Variants in AKT2 observed in about 807,000 individuals in gnomAD.
The protein encoded by AKT2 is RAC-beta serine/threonine-protein kinase.
Under a neutral mutation model 58.6 loss-of-function variants are expected in AKT2, and 16 were observed. That is an observed-to-expected ratio of 0.27 (90% confidence interval 0.18 to 0.41). AKT2 has a LOEUF of 0.41. AKT2 is among the 10% of genes least tolerant of loss of function. AKT2 has a pLI of 1.00. For missense variants in AKT2, 438 were observed against 661.0 expected (o/e 0.66, Z 3.70); for synonymous variants, 253 against 254.0 (o/e 1.00, Z 0.04).
rs373226396 is a variant in AKT2, at chr19:40,233,864, C to G, written c.*8G>C. ...AGCGAGCGTGCGTCCTCTGCGTGGGCAGACTGCTCACTCGCGGATGCTGGC... is the reference window on the plus strand; with the variant it reads ...AGCGAGCGTGCGTCCTCTGCGTGGGGAGACTGCTCACTCGCGGATGCTGGC... On this transcript the variant is annotated 3_prime_UTR_variant, in exon 14 of 14. Coordinates refer to ENST00000392038, the MANE Select transcript of AKT2 (RefSeq NM_001626.6). The surrounding 1 kb of genome is among the most constrained non-coding windows in gnomAD (Gnocchi z 4.3). 8.3e-5 allele frequency: 134 copies of G among 1,610,430 alleles called. No individual in the cohort carries two copies. In the African/African-American group the frequency reaches 1.6e-3, roughly 19 times the overall value.
At chr19:40,273,836 G>C (rs996433632) in intron 1 of AKT2, among the ~76,000 whole-genome samples, 2 of 152,024 alleles carry the variant, frequency 1.3e-5, no homozygotes, top group African/African-American at 4.8e-5. Context: ...ACGCAGTTCT[G>C]ACCCTGTCCC....
chr19:40,235,061 G>T lies in AKT2; in HGVS notation c.1350C>A (p.Ile450=), dbSNP rs745833960. Residue 450 remains isoleucine, a synonymous_variant, in exon 13 of 14, where the codon ATC becomes ATA. Coordinates refer to ENST00000392038, the MANE Select transcript of AKT2 (RefSeq NM_001626.6). This position sits in a 1 kb window ranked among gnomAD's most constrained non-coding sequence, Gnocchi z 6.3. The part of the protein sequence containing the change: ...DDEFTAQSIT[I]TPPDRYDSLG... ...GGCACTCACAGCGGTCAGGGGGTGTGATTGTGATGGACTGGGCGGTAAATT... is the reference window on the plus strand; with the variant it reads ...GGCACTCACAGCGGTCAGGGGGTGTTATTGTGATGGACTGGGCGGTAAATT... 4 of 1,614,176 alleles carry T rather than the reference G, an allele frequency of 2.5e-6. No individual in the cohort carries two copies. Among genetic ancestry groups the T allele is most frequent in the Non-Finnish European group, 1.7e-6 (2 of 1,180,016 alleles).
At chr19:40,278,787 T>A (rs763964974) in intron 1 of AKT2, among the ~76,000 whole-genome samples, 7 of 151,482 alleles carry the variant, frequency 4.6e-5, no homozygotes, top group Non-Finnish European at 1.0e-4. Context: ...GCTCCGTGCA[T>A]CCTCCCCACC....
In AKT2 at chr19:40,230,558, G is replaced by T. The variant is rs1186892334; in HGVS notation, c.*3314C>A. On this transcript the variant is annotated 3_prime_UTR_variant, in exon 14 of 14. Coordinates refer to ENST00000392038, the MANE Select transcript of AKT2 (RefSeq NM_001626.6). ...CAGAGGCTTCACATTAACTGGAAAA[G>T]ATTACACAAAAAGAGCAGGAAACTA... 3 of 227,648 alleles carry T rather than the reference G, an allele frequency of 1.3e-5. No homozygotes were observed. The highest frequency in any genetic ancestry group is 2.6e-5 in the Non-Finnish European group (3 of 114,600). 14.1% of individuals were successfully genotyped at this position (227,648 alleles called of 1,614,324 possible).
chr19:40,238,897 C>A lies in AKT2; in HGVS notation c.708+8G>T, dbSNP rs185154487. On this transcript the variant is annotated splice_region_variant and intron_variant, in intron 8 of 13. Coordinates refer to ENST00000392038, the MANE Select transcript of AKT2 (RefSeq NM_001626.6). The surrounding 1 kb of genome is among the most constrained non-coding windows in gnomAD (Gnocchi z 5.1). ...CCAGAGGGCAAAGTCAAGGCAGCCG[C>A]GGCTCACCTCACCCCCGTTGGCATA... 2.2e-4 allele frequency: 360 copies of A among 1,614,046 alleles called. 1 individual carries two copies. Among genetic ancestry groups the A allele is most frequent in the Non-Finnish European group, 1.4e-5 (16 of 1,179,986 alleles).
chr19:40,242,406 C>T lies in AKT2; in HGVS notation c.441+128G>A, dbSNP rs893481975. On this transcript the variant is annotated intron_variant, in intron 5 of 13. Coordinates refer to ENST00000392038, the MANE Select transcript of AKT2 (RefSeq NM_001626.6). The surrounding 1 kb of genome is among the most constrained non-coding windows in gnomAD (Gnocchi z 4.3). ...GCACCTGCCACCTGAAATCACCCCA[C>T]CCTGCAGGGCAGCCTTGTCTCTCAG... is the stretch of plus-strand genomic sequence containing the variant. 12 of 1,435,654 alleles carry T rather than the reference C, an allele frequency of 8.4e-6. No homozygotes were observed. In the African/African-American group the frequency reaches 1.1e-4, roughly 13 times the overall value. 88.9% of individuals were successfully genotyped at this position (1,435,654 alleles called of 1,614,324 possible).
chr19:40,250,719 T>A (rs755322199), intron 4 of AKT2, among the ~76,000 whole-genome samples: 3 of 151,924 alleles, frequency 2.0e-5, no homozygotes, highest in African/African-American at 7.3e-5. Flanking sequence ...TTCTAGCTAC[T>A]AGGGAGGCTG....
At position 40,237,987 on chromosome 19, in the gene AKT2, C is replaced by A; in HGVS notation, c.813G>T (p.Val271=). The part of the protein sequence containing the change: ...SALEYLHSRD[V]VYRDIKLENL... ...CACTAACCTTGATGTCGCGGTATAC[C>A]ACGTCCCGCGAGTGCAAGTACTCAA... The change falls in exon 9 of 14, where the codon GTG becomes GTT. Residue 271 remains valine (V), a synonymous_variant. Transcript: ENST00000392038. The surrounding 1 kb of genome is among the most constrained non-coding windows in gnomAD (Gnocchi z 4.5). 11 of 1,613,658 alleles carry A rather than the reference C, an allele frequency of 6.8e-6. No individual in the cohort carries two copies. Among genetic ancestry groups the A allele is most frequent in the Non-Finnish European group, 9.3e-6 (11 of 1,179,914 alleles).
chr19:40,242,839 G>T lies in AKT2; in HGVS notation c.288-152C>A, dbSNP rs984176307. ...GGGCAAGATCTGTCAGAACCAGAGA[G>T]AGCTGAAGGGACCTGAGTGAAATTC... On this transcript the variant is annotated intron_variant, in intron 4 of 13. Transcript: ENST00000392038. This position sits in a 1 kb window ranked among gnomAD's most constrained non-coding sequence, Gnocchi z 4.3. The T allele has an allele frequency of 1.8e-5, 15 of 825,400 alleles. No individual in the cohort carries two copies. The highest frequency in any genetic ancestry group is 1.3e-4 in the East Asian group (5 of 37,218). The allele number at this position is 825,400 out of a possible 1,614,324, so 51.1% of individuals were successfully genotyped here.
Position 40,234,482 on chromosome 19 carries a change from A to C in AKT2, c.1367-531T>G. 2 of 239,376 alleles carry C rather than the reference A, an allele frequency of 8.4e-6. No homozygotes were observed. The highest frequency in any genetic ancestry group is 1.6e-5 in the Non-Finnish European group (2 of 123,578). The allele number at this position is 239,376 out of a possible 1,614,324, so 14.8% of individuals were successfully genotyped here. On this transcript the variant is annotated intron_variant, in intron 13 of 13. Transcript: ENST00000392038. This position sits in a 1 kb window ranked among gnomAD's most constrained non-coding sequence, Gnocchi z 4.7. ...CCCTGGCTGCTGCCGGTCCTTAGCT[A>C]TGCCATGCTTCTCCCATTGCTGGCA... is the stretch of plus-strand genomic sequence containing the variant.
Position 40,237,795 on chromosome 19 carries a change from G to A in AKT2, c.831+174C>T. On this transcript the variant is annotated intron_variant, in intron 9 of 13. Transcript: ENST00000392038. This position sits in a 1 kb window ranked among gnomAD's most constrained non-coding sequence, Gnocchi z 4.5. The stretch of plus-strand genomic sequence containing the variant: ...CTTGGTGGGGAGCCTGGTGAATGAG[G>A]GCAGCCACCACCCTGGACCTTGGTG... 2.2e-6 allele frequency: 2 copies of A among 903,138 alleles called. No individual in the cohort carries two copies. The highest frequency in any genetic ancestry group is 1.7e-5 in the African/African-American group (1 of 58,252). 55.9% of individuals were successfully genotyped at this position (903,138 alleles called of 1,614,324 possible).
chr19:40,264,303 C>T lies in AKT2; in HGVS notation c.46+919G>A, dbSNP rs1453909473. On this transcript the variant is annotated intron_variant, in intron 2 of 13. Coordinates refer to ENST00000392038, the MANE Select transcript of AKT2 (RefSeq NM_001626.6). ...CCATCTGCCTCCCAGTCTTGCGTGG[C>T]AGCCACTTTGGGACAAACAGCCCTG... Among the ~76,000 whole-genome samples the T allele has an allele frequency of 2.2e-4, 33 of 152,186 alleles. 1 individual carries two copies. The highest frequency in any genetic ancestry group is 1.5e-5 in the Non-Finnish European group (1 of 68,028).
At chr19:40,285,041 C>A (rs919118306) in intron 1 of AKT2, 140 bp downstream of exon 1, 28 of 384,496 alleles carry the variant, frequency 7.3e-5, no homozygotes, top group South Asian at 1.4e-4. Flanking sequence ...CGGCCACCCC[C>A]ACTCAGCTCC....
Position 40,236,114 on chromosome 19 carries a change from G to C in AKT2, c.961-10C>G, listed in dbSNP as rs1313831067. ...CATTGTCCTCCAGCACCTGAGGATG[G>C]AGGAGAAATGAGGGCTGGGCCCGTG... On this transcript the variant is annotated splice_polypyrimidine_tract_variant and intron_variant, in intron 10 of 13. Coordinates refer to ENST00000392038, the MANE Select transcript of AKT2 (RefSeq NM_001626.6). 6.2e-7 allele frequency: 1 copy of C among 1,614,020 alleles called. No individual in the cohort carries two copies. Among genetic ancestry groups the C allele is most frequent in the Non-Finnish European group, 8.5e-7 (1 of 1,180,010 alleles).
rs1268615652 is a variant in AKT2 at position 40,232,190 on chromosome 19, C to T, written c.*1682G>A. The T allele has an allele frequency of 4.3e-6, 1 of 233,724 alleles. No individual in the cohort carries two copies. Among genetic ancestry groups the T allele is most frequent in the Non-Finnish European group, 8.5e-6 (1 of 118,234 alleles). The allele number at this position is 233,724 out of a possible 1,614,324, so 14.5% of individuals were successfully genotyped here. ...TCCAGCCTGAGCTCCTGCACACACC[C>T]CAGCTGCCCTCACCCTGAGCTCAGT... On this transcript the variant is annotated 3_prime_UTR_variant, in exon 14 of 14. Transcript: ENST00000392038.
chr19:40,257,586 A>AAC (rs59835118), intron 2 of AKT2, among the ~76,000 whole-genome samples: 48,399 of 146,002 alleles, frequency 0.33, 8,992 homozygotes, highest in South Asian at 0.48. Flanking sequence ...TATGCACACA[A>AAC]ACACACACAC....
chr19:40,280,593 G>C (rs999132588), intron 1 of AKT2, among the ~76,000 whole-genome samples: 1 of 152,038 alleles, frequency 6.6e-6, no homozygotes, highest in Non-Finnish European at 1.5e-5. Flanking sequence ...CCAGTGAAAG[G>C]GCCCTGCCTG....
intron 1 of AKT2, among the ~76,000 whole-genome samples, chr19:40,273,821 C>A (rs1038204294): frequency 6.6e-6 from 1 of 152,164 alleles, no homozygotes; most frequent in East Asian, 1.9e-4. Flanking sequence ...CCAGCGGGAT[C>A]CTCCACGCAG....
chr19:40,276,011 CAA>C (rs748730960), intron 1 of AKT2, among the ~76,000 whole-genome samples: 10 of 107,060 alleles, frequency 9.3e-5, no homozygotes, highest in Non-Finnish European at 6.0e-5. Context: ...GACTCCGTCT[CAA>C]AAAAAAAAAA....
Sources: gnomAD v4.1 joint callset for allele counts (sites outside exome capture counted in the v4.1 genomes callset) on GRCh38, gnomAD v4.1.1 for gene constraint, Gnocchi (gnomAD v3.1) non-coding constraint, MANE v1.5 for transcripts, NCBI Gene and HGNC (gene_info 2026-07-23, HGNC 2026-07-21) for gene names.